The following EPHB2 variants were observed in gnomAD, a reference collection of about 807,000 sequenced individuals.
EPHB2 encodes the protein ephrin type-B receptor 2.
Under a neutral mutation model 96.4 loss-of-function variants are expected in EPHB2, and 18 were observed. The observed-to-expected ratio is 0.19, with a 90% CI of 0.13 to 0.28. EPHB2 has a LOEUF of 0.28. Among genes scored for constraint, EPHB2 ranks in the 10% least tolerant of loss-of-function variants. The pLI is 1.00. For synonymous variants in EPHB2, 506 were observed against 534.1 expected, an observed-to-expected ratio of 0.95 and a Z score of 0.72; for missense variants, 989 against 1,355.4, an observed-to-expected ratio of 0.73 and a Z score of 4.25.
chr1:22,793,383 G>C (rs546136738), intron 3 of EPHB2, among the ~76,000 whole-genome samples: 8 of 152,190 alleles, frequency 5.3e-5, no homozygotes, highest in Non-Finnish European at 8.8e-5. Context: ...GGGGTGCTTA[G>C]GAGGGAATGG....
At chr1:22,723,621 G>T (rs1643519361) in intron 1 of EPHB2, among the ~76,000 whole-genome samples, 1 of 152,232 alleles carries the variant, frequency 6.6e-6, no homozygotes, top group African/African-American at 2.4e-5. Flanking sequence ...GATATCGGGG[G>T]AAAGACCCTG....
chr1:22,756,545 G>A (rs1436833158), intron 1 of EPHB2, among the ~76,000 whole-genome samples: 1 of 152,088 alleles, frequency 6.6e-6, no homozygotes, highest in African/African-American at 2.4e-5. Context: ...GGTTGAGCAG[G>A]CCTGGCCGCC....
chr1:22,736,787 C>T (rs543530589), intron 1 of EPHB2, among the ~76,000 whole-genome samples: 3 of 152,312 alleles, frequency 2.0e-5, no homozygotes, highest in South Asian at 2.1e-4. Flanking sequence ...CACTGTGGGG[C>T]GGCCGCAGGG....
intron 1 of EPHB2, among the ~76,000 whole-genome samples, chr1:22,737,616 C>T (rs1166869665): frequency 2.0e-5 from 3 of 152,216 alleles, no homozygotes; most frequent in Non-Finnish European, 4.4e-5. Flanking sequence ...TACTTACCCT[C>T]AGCTCTTGAT....
rs1469853790 is a variant in EPHB2 at position 22,860,340 on chromosome 1, G to T, written c.812-2697G>T. On this transcript the variant is annotated intron_variant, in intron 3 of 15. Transcript: ENST00000374630. The surrounding 1 kb of genome is among the most constrained non-coding windows in gnomAD (Gnocchi z 4.6). The stretch of plus-strand genomic sequence containing the variant: ...GACCTAGTAATTGATTGGCTGTGGG[G>T]GGACAGGGTGGAGAGTGATGCCACT... 1.3e-5 allele frequency among the ~76,000 whole-genome samples: 2 copies of T among 152,100 alleles called. No individual in the cohort carries two copies. The highest frequency in any genetic ancestry group is 6.5e-5 in the Admixed American group (1 of 15,276).
chr1:22,718,133 C>T (rs2148334057), intron 1 of EPHB2, among the ~76,000 whole-genome samples: 1 of 152,236 alleles, frequency 6.6e-6, no homozygotes, highest in East Asian at 1.9e-4. Flanking sequence ...CCAGCTCTCC[C>T]CCACCCACTG....
Position 22,806,463 on chromosome 1 carries a change from GTGGA to G in EPHB2, c.811+21400_811+21403del, listed in dbSNP as rs1454458217. Among the ~76,000 whole-genome samples the G allele has an allele frequency of 7.3e-5, 11 of 150,322 alleles. No individual in the cohort carries two copies. In the South Asian group the frequency reaches 1.9e-3, roughly 27 times the overall value. ...TCAACAGTGCTTGCTGAGTCAATGA[GTGGA>G]TGGATGGATGGACGGACGGACGGAC... On this transcript the variant is annotated intron_variant, in intron 3 of 15. Transcript: ENST00000374630.
chr1:22,837,784 C>T (rs978433551), intron 3 of EPHB2, among the ~76,000 whole-genome samples: 3 of 152,144 alleles, frequency 2.0e-5, no homozygotes, highest in Admixed American at 6.5e-5. Flanking sequence ...CCCAGCCCAC[C>T]CCCATTCCTT....
chr1:22,789,736 G>A (rs989527155), intron 3 of EPHB2, among the ~76,000 whole-genome samples: 2 of 152,242 alleles, frequency 1.3e-5, no homozygotes, highest in African/African-American at 4.8e-5. Flanking sequence ...AGAAGAAAAA[G>A]TCAGTGAGCA....
rs1645740448 is a variant in EPHB2, at chr1:22,858,563, T to G, written c.812-4474T>G. On this transcript the variant is annotated intron_variant, in intron 3 of 15. Transcript: ENST00000374630. The surrounding 1 kb of genome is among the most constrained non-coding windows in gnomAD (Gnocchi z 7.7). ...ACGCCCGTCAGAGGTACAACTGCCT[T>G]CCTGTGTTTCAGGTCTCATTGTCTT... is the stretch of plus-strand genomic sequence containing the variant. Among the ~76,000 whole-genome samples, 1 of 152,144 alleles carries G rather than the reference T, an allele frequency of 6.6e-6. No homozygotes were observed. Among genetic ancestry groups the G allele is most frequent in the Non-Finnish European group, 1.5e-5 (1 of 68,020 alleles).
At chr1:22,746,503 C>T (rs937243928) in intron 1 of EPHB2, among the ~76,000 whole-genome samples, 3 of 152,226 alleles carry the variant, frequency 2.0e-5, no homozygotes, top group Non-Finnish European at 4.4e-5. Flanking sequence ...TGGGCTCCTC[C>T]TTGAGCCCCA....
intron 1 of EPHB2, among the ~76,000 whole-genome samples, chr1:22,749,604 C>T (rs4654811): frequency 0.021 from 3,272 of 152,300 alleles, 122 homozygotes; most frequent in East Asian, 0.14. Flanking sequence ...GGAGCTGTCC[C>T]TCCTGGCTCC....
chr1:22,842,996 C>T (rs1456267069), intron 3 of EPHB2, among the ~76,000 whole-genome samples: 2 of 152,112 alleles, frequency 1.3e-5, no homozygotes, highest in African/African-American at 2.4e-5. Context: ...TCATTTTCCC[C>T]ATTTGATGAT....
In EPHB2 at chr1:22,910,452, T is replaced by G. The variant is rs759404153; in HGVS notation, c.2573T>G (p.Leu858Arg). The G allele has an allele frequency of 1.9e-6, 3 of 1,614,170 alleles. No individual in the cohort carries two copies. Among genetic ancestry groups the G allele is most frequent in the Admixed American group, 3.3e-5 (2 of 60,026 alleles). ...GACTGCCCGAGCGCCCTGCACCAAC[T>G]CATGCTGGACTGTTGGCAGAAGGAC... is the stretch of plus-strand genomic sequence containing the variant. ...PMDCPSALHQLMLDCWQKDRN... is the reference protein window; with the variant it reads ...PMDCPSALHQRMLDCWQKDRN... The change falls in exon 14 of 16, where the codon CTC becomes CGC. Residue 858 changes from leucine (L) to arginine (R), a missense_variant. By Grantham distance (102) the Leu-to-Arg change is moderately radical. Transcript: ENST00000374630.
chr1:22,748,391 CT>C (rs34735800), intron 1 of EPHB2, among the ~76,000 whole-genome samples: 1 of 130,150 alleles, frequency 7.7e-6, no homozygotes. Flanking sequence ...TTTTTTTTTT[CT>C]TTTTTTTGAG....
intron 1 of EPHB2, among the ~76,000 whole-genome samples, chr1:22,759,137 G>A (rs1409281956): frequency 1.3e-5 from 2 of 152,150 alleles, no homozygotes; most frequent in African/African-American, 2.4e-5. Flanking sequence ...CCTTCCTCTC[G>A]GAACATTTTC....
Position 22,914,713 on chromosome 1 carries a change from C to T in EPHB2, c.*1143C>T, listed in dbSNP as rs1640220732. The T allele has an allele frequency of 6.6e-6, 1 of 152,574 alleles. No homozygotes were observed. Among genetic ancestry groups the T allele is most frequent in the African/African-American group, 2.4e-5 (1 of 41,424 alleles). 9.5% of individuals were successfully genotyped at this position (152,574 alleles called of 1,614,324 possible). A position where few individuals can be genotyped will look rare whatever the true frequency, so the allele number is the denominator to read the frequency against. On this transcript the variant is annotated 3_prime_UTR_variant, in exon 16 of 16. Transcript: ENST00000374630. ...GATTTTTTTATACGGTTTTCATTGA[C>T]ACTCTTCCCTCCTCCCACCTGCCAC...
At chr1:22,901,924 C>T (rs988221941) in intron 9 of EPHB2, among the ~76,000 whole-genome samples, 2 of 152,154 alleles carry the variant, frequency 1.3e-5, no homozygotes, top group African/African-American at 4.8e-5. Flanking sequence ...CTCCTGGACT[C>T]AAGCAATCCT....
At position 22,919,771 on chromosome 1, in the gene EPHB2, A is replaced by G. The variant is rs1378563502; in HGVS notation, c.*6201A>G. On this transcript the variant is annotated 3_prime_UTR_variant, in exon 16 of 16. Transcript: ENST00000374630. ...TCTTGGGGGCCCTGCTGAGACTGCA[A>G]GAGTCATGAATTCTAACGTTCCACA... 2 of 152,276 alleles carry G rather than the reference A, an allele frequency of 1.3e-5. No individual in the cohort carries two copies. The highest frequency in any genetic ancestry group is 3.8e-4 in the East Asian group (2 of 5,196). The allele number at this position is 152,276 out of a possible 1,614,324, so 9.4% of individuals were successfully genotyped here. A position where few individuals can be genotyped will look rare whatever the true frequency, so the allele number is the denominator to read the frequency against.
Sources: gnomAD v4.1 joint callset for allele counts (sites outside exome capture counted in the v4.1 genomes callset) on GRCh38, gnomAD v4.1.1 for gene constraint, Gnocchi (gnomAD v3.1) non-coding constraint, MANE v1.5 for transcripts, NCBI Gene and HGNC (gene_info 2026-07-23, HGNC 2026-07-21) for gene names.